ADAMTS9: variants seen among roughly 807,000 people sequenced by gnomAD.
ADAMTS9 encodes ADAM metallopeptidase with thrombospondin type 1 motif 9.
A neutral mutation model predicts 257.1 loss-of-function variants in ADAMTS9; 107 were observed. The ratio of observed to expected loss-of-function variants is 0.42; its 90% CI spans 0.36 to 0.49. ADAMTS9 has a LOEUF of 0.49. ADAMTS9 is among the 20% of genes least tolerant of loss of function. The pLI is 0.03. For synonymous variants in ADAMTS9, 982 were observed against 880.9 expected (o/e 1.11, Z -2.03); for missense variants, 2,353 against 2,469.1 (o/e 0.95, Z 1.00).
chr3:64,658,078 A>G (rs1701126262), intron 4 of ADAMTS9, among the ~76,000 whole-genome samples: 1 of 152,124 alleles, frequency 6.6e-6, no homozygotes, highest in South Asian at 2.1e-4. Flanking sequence ...CAAAGTTCCT[A>G]AGTGAGGCAA....
intron 22 of ADAMTS9, among the ~76,000 whole-genome samples, chr3:64,612,308 G>C (rs915715852): frequency 2.6e-5 from 4 of 152,150 alleles, no homozygotes; most frequent in African/African-American, 4.8e-5. Context: ...TTCAGATCTT[G>C]ACAGTGACCC....
At chr3:64,518,823 A>G (rs961796748) in intron 39 of ADAMTS9, among the ~76,000 whole-genome samples, 4 of 118,436 alleles carry the variant, frequency 3.4e-5, no homozygotes, top group Non-Finnish European at 6.4e-5. Flanking sequence ...CCCAGGCTGG[A>G]GTGCAGTGGC....
rs1576098168 is a variant in ADAMTS9 at position 64,596,933 on chromosome 3, T to C, written c.4076A>G (p.Asn1359Ser). 6 of 1,602,600 alleles carry C rather than the reference T, an allele frequency of 3.7e-6. No individual in the cohort carries two copies. The highest frequency in any genetic ancestry group is 5.1e-6 in the Non-Finnish European group (6 of 1,172,302). Residue 1359 changes from asparagine to serine, a missense_variant, in exon 27 of 40, where the codon AAT becomes AGT. This residue lies in a region of ADAMTS9 where 1,402 missense variants were observed against 1,441.4 expected (regional missense o/e 0.97). Transcript: ENST00000498707. ...QRRVVVCQDE[N>S]GYTANDCVER... ...CACACAGTCGTTTGCGGTGTATCCATTTTCATCCTGACATACAACAACACG... is the reference window on the plus strand; with the variant it reads ...CACACAGTCGTTTGCGGTGTATCCACTTTCATCCTGACATACAACAACACG...
In ADAMTS9 at chr3:64,541,385, G is replaced by T. The variant is rs1276038661; in HGVS notation, c.5322C>A (p.His1774Gln). The change falls in exon 35 of 40, where the codon CAC (histidine) becomes CAA (glutamine). Residue 1774 changes from histidine to glutamine, a missense_variant. Coordinates refer to ENST00000498707, the MANE Select transcript of ADAMTS9 (RefSeq NM_182920.2). ...GCACCAGTGTCACGTACTCTTTGGG[G>T]TGGTCAGAGTGCATCCCCGCACAGA... ...KIFCAGMHSD[H>Q]PKEYVTLVHG... 4 of 1,614,110 alleles carry T rather than the reference G, an allele frequency of 2.5e-6. No individual in the cohort carries two copies. Among genetic ancestry groups the T allele is most frequent in the Non-Finnish European group, 3.4e-6 (4 of 1,180,016 alleles).
At chr3:64,606,176 T>C (rs1049841832) in intron 23 of ADAMTS9, among the ~76,000 whole-genome samples, 1 of 152,228 alleles carries the variant, frequency 6.6e-6, no homozygotes, top group African/African-American at 2.4e-5. Flanking sequence ...TCCACATCCT[T>C]TTGTTCTATT....
At chr3:64,625,567 T>G (rs531374317) in intron 16 of ADAMTS9, among the ~76,000 whole-genome samples, 20 of 152,142 alleles carry the variant, frequency 1.3e-4, no homozygotes, top group Non-Finnish European at 2.9e-4. Flanking sequence ...CGCAGGGCTA[T>G]TCATTCCAGG....
At chr3:64,654,748 C>A (rs1701020811) in intron 6 of ADAMTS9, 136 bp from the exon 7 acceptor site, 1 of 904,392 alleles carries the variant, frequency 1.1e-6, no homozygotes, top group Non-Finnish European at 1.7e-6. Context: ...ATTCATAAGA[C>A]CAGAGTTTCA....
chr3:64,679,282 C>T (rs1006511475), intron 3 of ADAMTS9, among the ~76,000 whole-genome samples: 1 of 152,084 alleles, frequency 6.6e-6, no homozygotes, highest in African/African-American at 2.4e-5. Flanking sequence ...TCTCTTTCTG[C>T]CCCCTCTCTC....
chr3:64,625,105 AG>A (rs1278714395), intron 16 of ADAMTS9, among the ~76,000 whole-genome samples: 1 of 152,230 alleles, frequency 6.6e-6, no homozygotes, highest in Non-Finnish European at 1.5e-5. Flanking sequence ...GGTGAATAAA[AG>A]AAACAAGGAC....
chr3:64,531,748 T>C (rs951432596), intron 38 of ADAMTS9, among the ~76,000 whole-genome samples: 1 of 152,236 alleles, frequency 6.6e-6, no homozygotes, highest in Admixed American at 6.5e-5. Context: ...CTGGGTGTCC[T>C]GTATTTTATC....
rs139497134 is a variant in ADAMTS9, at chr3:64,576,140, G to A, written c.4357-7605C>T. On this transcript the variant is annotated intron_variant, in intron 28 of 39. Coordinates refer to ENST00000498707, the MANE Select transcript of ADAMTS9 (RefSeq NM_182920.2). ...TTAGAGACTATTACTTACCAGTATT[G>A]TCTCTTCTCACCAGAGTAAGGAGAG... Among the ~76,000 whole-genome samples the A allele has an allele frequency of 3.7e-3, 556 of 152,216 alleles. 3 individuals are homozygous for A. The highest frequency in any genetic ancestry group is 0.013 in the African/African-American group (523 of 41,518).
Position 64,631,512 on chromosome 3 carries a change from T to C in ADAMTS9, c.2332A>G (p.Asn778Asp). Residue 778 changes from asparagine to aspartate, a missense_variant, in exon 16 of 40, where the codon AAT (asparagine) becomes GAT (aspartate). Asn to Asp is a conservative substitution (Grantham distance 23). Around this residue, in one of 3 missense-constraint regions of ADAMTS9, gnomAD observed 360 missense variants for 458.1 expected, o/e 0.79. Coordinates refer to ENST00000498707, the MANE Select transcript of ADAMTS9 (RefSeq NM_182920.2). ...TVVRIPAGATNIDVRQHSFSG... is the reference protein window; with the variant it reads ...TVVRIPAGATDIDVRQHSFSG... ...AAACTGTGCTGCCGCACATCAATAT[T>C]GGTAGCACCAGCTGGAATTCGGACC... is the stretch of plus-strand genomic sequence containing the variant. 1 of 1,614,132 alleles carries C rather than the reference T, an allele frequency of 6.2e-7. No individual in the cohort carries two copies. Among genetic ancestry groups the C allele is most frequent in the Non-Finnish European group, 8.5e-7 (1 of 1,179,964 alleles).
chr3:64,594,769 C>G (rs2084331441), intron 27 of ADAMTS9, among the ~76,000 whole-genome samples: 1 of 152,184 alleles, frequency 6.6e-6, no homozygotes, highest in African/African-American at 2.4e-5. Context: ...CAAGTCCAAT[C>G]TGTTAGCAAG....
intron 31 of ADAMTS9, among the ~76,000 whole-genome samples, chr3:64,548,722 T>G (rs2083233306): frequency 6.6e-6 from 1 of 152,208 alleles, no homozygotes; most frequent in Non-Finnish European, 1.5e-5. Flanking sequence ...CTCAGCTAGC[T>G]GATATCAGCA....
chr3:64,629,870 C>G (rs1353897539), intron 16 of ADAMTS9, among the ~76,000 whole-genome samples: 2 of 152,186 alleles, frequency 1.3e-5, no homozygotes, highest in Non-Finnish European at 2.9e-5. Context: ...GCATGCTTAG[C>G]TGAAGGCTCA....
intron 37 of ADAMTS9, among the ~76,000 whole-genome samples, chr3:64,536,915 G>A (rs948286325): frequency 6.6e-6 from 1 of 152,200 alleles, no homozygotes; most frequent in Non-Finnish European, 1.5e-5. Flanking sequence ...AGTGGTCAAT[G>A]AGGTAAAAGA....
At chr3:64,646,610 G>C (rs1201045016) in intron 11 of ADAMTS9, among the ~76,000 whole-genome samples, 1 of 152,206 alleles carries the variant, frequency 6.6e-6, no homozygotes, top group Non-Finnish European at 1.5e-5. Flanking sequence ...AGAGAAATGA[G>C]AACATGAGCT....
rs541410421 is a variant in ADAMTS9, at chr3:64,687,342, G to A, written c.115+201C>T. On this transcript the variant is annotated intron_variant, in intron 1 of 39. Transcript: ENST00000498707. This position sits in a 1 kb window ranked among gnomAD's most constrained non-coding sequence, Gnocchi z 4.4. ...ATCTGGCAACAGCAAGGTAGGGGGG[G>A]GTTGCCTAAATTCGTTTCCATAGTG... Among the ~76,000 whole-genome samples the A allele has an allele frequency of 7.2e-5, 11 of 152,302 alleles. No homozygotes were observed. In the South Asian group the frequency reaches 1.2e-3, roughly 17 times the overall value.
intron 38 of ADAMTS9, among the ~76,000 whole-genome samples, chr3:64,531,877 T>C (rs1246642944): frequency 6.6e-6 from 1 of 152,224 alleles, no homozygotes; most frequent in Non-Finnish European, 1.5e-5. Context: ...AAATGGGCCA[T>C]GCCTGGGTAA....
Sources: allele counts gnomAD v4.1 joint callset (sites outside exome capture counted in the v4.1 genomes callset), GRCh38; gene constraint gnomAD v4.1.1; regional missense constraint gnomAD v4.1.1; non-coding constraint Gnocchi (gnomAD v3.1); transcripts MANE v1.5; gene names NCBI Gene and HGNC (gene_info 2026-07-23, HGNC 2026-07-21).